The following TAFA5 variants were observed in gnomAD, a reference collection of about 807,000 sequenced individuals.
The protein encoded by TAFA5 is chemokine-like protein TAFA-5.
Under a neutral mutation model 15.3 loss-of-function variants are expected in TAFA5, and 6 were observed. That is an observed-to-expected ratio of 0.39 (90% CI 0.21 to 0.77). TAFA5 has a LOEUF of 0.77. Ranked by LOEUF, TAFA5 falls within the 30% of genes least tolerant of loss-of-function variation. The pLI is 0.41. For missense variants in TAFA5, 161 were observed against 193.1 expected, an observed-to-expected ratio of 0.83 and a Z score of 0.98; for synonymous variants, 103 against 80.7, an observed-to-expected ratio of 1.28 and a Z score of -1.48.
At chr22:48,639,269 C>T (rs1926588944) in intron 1 of TAFA5, among the ~76,000 whole-genome samples, 1 of 152,350 alleles carries the variant, frequency 6.6e-6, no homozygotes, top group Admixed American at 6.5e-5. Flanking sequence ...CACCTCGGGC[C>T]GCCCCCTGCC....
intron 2 of TAFA5, among the ~76,000 whole-genome samples, chr22:48,699,956 G>T (rs369779310): frequency 6.6e-6 from 1 of 152,140 alleles, no homozygotes; most frequent in Non-Finnish European, 1.5e-5. Flanking sequence ...TCTTCTTCCT[G>T]TTGGAATTTA....
chr22:48,683,180 C>G (rs897273324), intron 2 of TAFA5, among the ~76,000 whole-genome samples: 3 of 152,166 alleles, frequency 2.0e-5, no homozygotes, highest in Non-Finnish European at 4.4e-5. Flanking sequence ...GGTAAACGCA[C>G]ACACACAGAC....
chr22:48,519,361 C>T (rs375225980), intron 1 of TAFA5, among the ~76,000 whole-genome samples: 71 of 152,382 alleles, frequency 4.7e-4, no homozygotes, highest in African/African-American at 1.6e-3. Flanking sequence ...CTGTTTATCG[C>T]GCAATCGCGT....
chr22:48,703,040 G>C (rs992781142), intron 2 of TAFA5, among the ~76,000 whole-genome samples: 10 of 152,246 alleles, frequency 6.6e-5, no homozygotes, highest in Admixed American at 5.2e-4. Context: ...TGCATGTGCA[G>C]ATACATATCT....
intron 1 of TAFA5, among the ~76,000 whole-genome samples, chr22:48,514,275 G>A (rs1921325211): frequency 6.6e-6 from 1 of 152,180 alleles, no homozygotes; most frequent in Non-Finnish European, 1.5e-5. Flanking sequence ...GGTAGGCATT[G>A]GAAAATTAAA....
At chr22:48,600,586 G>C (rs28382352) in intron 1 of TAFA5, among the ~76,000 whole-genome samples, 1 of 152,014 alleles carries the variant, frequency 6.6e-6, no homozygotes, top group Non-Finnish European at 1.5e-5. Context: ...GTGCATCTTC[G>C]TTGGCGACAC....
At chr22:48,684,166 G>C (rs1047270625) in intron 2 of TAFA5, among the ~76,000 whole-genome samples, 12 of 152,122 alleles carry the variant, frequency 7.9e-5, no homozygotes, top group Admixed American at 6.6e-5. Flanking sequence ...TCTTGGGAGG[G>C]GAGTGAGCGT....
intron 1 of TAFA5, among the ~76,000 whole-genome samples, chr22:48,563,733 C>T (rs1026558914): frequency 2.0e-5 from 3 of 152,198 alleles, no homozygotes; most frequent in Admixed American, 6.5e-5. Flanking sequence ...AGCAGGGTAT[C>T]GGGAGCTCGG....
intron 1 of TAFA5, among the ~76,000 whole-genome samples, chr22:48,646,161 C>T (rs1400914085): frequency 6.6e-6 from 1 of 152,134 alleles, no homozygotes; most frequent in African/African-American, 2.4e-5. Context: ...TCCAAAGTGC[C>T]ACACCCTGGG....
At chr22:48,685,878 G>A (rs1403053291) in intron 2 of TAFA5, among the ~76,000 whole-genome samples, 1 of 152,082 alleles carries the variant, frequency 6.6e-6, no homozygotes, top group East Asian at 1.9e-4. Context: ...GGAGGGCAGG[G>A]CCTGGAAATG....
At chr22:48,732,441 A>T (rs577679473) in intron 3 of TAFA5, among the ~76,000 whole-genome samples, 1 of 152,018 alleles carries the variant, frequency 6.6e-6, no homozygotes, top group Non-Finnish European at 1.5e-5. Context: ...TATTTTTAGT[A>T]GAGACGGGGT....
chr22:48,682,429 A>G (rs1162028092), intron 2 of TAFA5, among the ~76,000 whole-genome samples: 2 of 152,202 alleles, frequency 1.3e-5, no homozygotes, highest in Non-Finnish European at 2.9e-5. Context: ...TGAAGTTGCT[A>G]GTGATGTTGA....
chr22:48,558,372 C>G (rs148858327), intron 1 of TAFA5, among the ~76,000 whole-genome samples: 261 of 152,286 alleles, frequency 1.7e-3, no homozygotes, highest in African/African-American at 5.4e-3. Context: ...TTGAATGCGT[C>G]CCTCCCTGGA....
intron 1 of TAFA5, among the ~76,000 whole-genome samples, chr22:48,585,003 A>G (rs1270168974): frequency 6.8e-6 from 1 of 148,078 alleles, no homozygotes; most frequent in African/African-American, 2.5e-5. Context: ...ACACACACAC[A>G]CCACATGCAG....
intron 1 of TAFA5, among the ~76,000 whole-genome samples, chr22:48,588,151 AGG>A (rs1924428064): frequency 1.3e-5 from 2 of 152,274 alleles, no homozygotes; most frequent in South Asian, 4.2e-4. Context: ...AGTGTGGAGA[AGG>A]GTCATCTTGG....
In TAFA5 at chr22:48,675,603, A is replaced by G. The variant is rs563518209; in HGVS notation, c.262+28857A>G. 7.2e-5 allele frequency among the ~76,000 whole-genome samples: 11 copies of G among 152,372 alleles called. No homozygotes were observed. The South Asian group carries it at 2.1e-3, about 29-fold the overall frequency. On this transcript the variant is annotated intron_variant, in intron 2 of 3. Coordinates refer to ENST00000402357, the MANE Select transcript of TAFA5 (RefSeq NM_001082967.3). ...ACAGTCCTGGTGGCGGCCGTTTTCA[A>G]CACCAAGCTTGGAGAAGACCTAGGA...
chr22:48,652,197 A>T (rs1927080085), intron 2 of TAFA5, among the ~76,000 whole-genome samples: 1 of 152,242 alleles, frequency 6.6e-6, no homozygotes. Flanking sequence ...ATTTTCCACC[A>T]GGAGCGACGT....
chr22:48,746,502 A>G (rs1316528572), intron 3 of TAFA5, among the ~76,000 whole-genome samples: 2 of 152,116 alleles, frequency 1.3e-5, no homozygotes, highest in Non-Finnish European at 2.9e-5. Flanking sequence ...TTGTTAAAGA[A>G]AAAAAAGAGA....
rs1928097557 is a variant in TAFA5 at position 48,490,226 on chromosome 22, G to C, written c.112+522G>C. On this transcript the variant is annotated intron_variant, in intron 1 of 3. Coordinates refer to ENST00000402357, the MANE Select transcript of TAFA5 (RefSeq NM_001082967.3). The surrounding 1 kb of genome is among the most constrained non-coding windows in gnomAD (Gnocchi z 5.8). ...TGGAGCTTCCGCTTTCCCGGGAAAC[G>C]GGCTCGTCAGGCGCCTTCTGGAAAG... Among the ~76,000 whole-genome samples, 1 of 152,134 alleles carries C rather than the reference G, an allele frequency of 6.6e-6. No individual in the cohort carries two copies. Among genetic ancestry groups the C allele is most frequent in the Admixed American group, 6.5e-5 (1 of 15,284 alleles).
Sources: allele counts gnomAD v4.1 joint callset (sites outside exome capture counted in the v4.1 genomes callset), GRCh38; gene constraint gnomAD v4.1.1; non-coding constraint Gnocchi (gnomAD v3.1); transcripts MANE v1.5; gene names NCBI Gene and HGNC (gene_info 2026-07-23, HGNC 2026-07-21).